The following RASA3 variants were observed in gnomAD, a reference collection of about 807,000 sequenced individuals.
The protein encoded by RASA3 is ras GTPase-activating protein 3.
RASA3 carries 73 observed loss-of-function variants against 110.0 expected under a neutral mutation model. The observed-to-expected ratio is 0.66, with a 90% CI of 0.55 to 0.81. RASA3 has a LOEUF of 0.81. Ranked by LOEUF, RASA3 falls within the 30% of genes least tolerant of loss-of-function variation. RASA3 has a pLI of 0.00. For missense variants in RASA3, 976 were observed against 1,113.2 expected (o/e 0.88, Z 1.75); for synonymous variants, 500 against 451.4 (o/e 1.11, Z -1.37).
At chr13:114,080,554 TC>T (rs1048954993) in intron 1 of RASA3, among the ~76,000 whole-genome samples, 2 of 151,146 alleles carry the variant, frequency 1.3e-5, no homozygotes, top group African/African-American at 4.9e-5. Flanking sequence ...ACGGGCATAT[TC>T]AATGTAATTG....
At chr13:113,996,493 G>A (rs372098639) in intron 21 of RASA3, 38 bp downstream of exon 21, 44 of 1,584,258 alleles carry the variant, frequency 2.8e-5, no homozygotes, top group East Asian at 2.2e-5. Flanking sequence ...CACATTTCCT[G>A]CACAGTGCAC....
At chr13:114,121,627 G>A (rs762345115) in intron 1 of RASA3, among the ~76,000 whole-genome samples, 1 of 152,196 alleles carries the variant, frequency 6.6e-6, no homozygotes, top group Admixed American at 6.5e-5. Context: ...CTGAACCTCT[G>A]TCTCTCAGGC....
At chr13:114,001,712 C>T (rs1016101699) in intron 18 of RASA3, among the ~76,000 whole-genome samples, 13 of 152,156 alleles carry the variant, frequency 8.5e-5, no homozygotes, top group African/African-American at 2.4e-4. Flanking sequence ...GGAGGACCTG[C>T]GGCCGCGGGC....
At chr13:114,045,801 T>G (rs2079043662) in intron 3 of RASA3, among the ~76,000 whole-genome samples, 1 of 152,220 alleles carries the variant, frequency 6.6e-6, no homozygotes. Context: ...GTTTGTGCTT[T>G]TGGTGGACTA....
chr13:114,041,217 C>T (rs2054398729), intron 3 of RASA3, 123 bp from the exon 4 acceptor site: 3 of 862,166 alleles, frequency 3.5e-6, no homozygotes, highest in South Asian at 3.2e-5. Context: ...GAATGGGGCA[C>T]CGGCCGGGTG....
intron 3 of RASA3, among the ~76,000 whole-genome samples, chr13:114,049,003 A>ATGCCC (rs1358977534): frequency 6.6e-6 from 1 of 151,252 alleles, no homozygotes; most frequent in Non-Finnish European, 1.5e-5. Context: ...CAGGCTGAAG[A>ATGCCC]TGCCCTCCCG....
intron 3 of RASA3, among the ~76,000 whole-genome samples, chr13:114,041,623 AAG>A (rs764323653): frequency 1.3e-5 from 2 of 152,216 alleles, no homozygotes; most frequent in South Asian, 2.1e-4. Context: ...ATCACGCCAC[AAG>A]AGACACGTGT....
chr13:114,099,306 C>T (rs921866455), intron 1 of RASA3, among the ~76,000 whole-genome samples: 33 of 152,170 alleles, frequency 2.2e-4, no homozygotes, highest in East Asian at 9.7e-4. Flanking sequence ...GAGCCGGGGA[C>T]GAAGCTCCTC....
intron 4 of RASA3, among the ~76,000 whole-genome samples, chr13:114,030,107 G>A (rs2054118997): frequency 6.6e-6 from 1 of 152,250 alleles, no homozygotes; most frequent in South Asian, 2.1e-4. Context: ...TCAGCCCCAT[G>A]TGGCTGCCCA....
rs755498753 is a variant in RASA3, at chr13:114,009,397, G to A, written c.1658C>T (p.Ala553Val). Residue 553 changes from alanine to valine, a missense_variant, in exon 17 of 24, where the codon GCG becomes GTG. Transcript: ENST00000334062. The stretch of plus-strand genomic sequence containing the variant: ...TGAGTCGATACTTACGTTCTTCACC[G>A]CATCAGCATATTTCTGCTCATTGAA... ...EFFNEQKYAD[A>V]VKNFLDLISS... is the part of the protein sequence containing the mutation. 22 of 1,611,214 alleles carry A rather than the reference G, an allele frequency of 1.4e-5. No individual in the cohort carries two copies. The highest frequency in any genetic ancestry group is 3.3e-5 in the South Asian group (3 of 91,052).
intron 18 of RASA3, among the ~76,000 whole-genome samples, chr13:114,003,933 C>G (rs1210235877): frequency 1.3e-5 from 2 of 152,148 alleles, no homozygotes; most frequent in African/African-American, 4.8e-5. Flanking sequence ...CTCCTTCTGC[C>G]AGGGACACCC....
Position 114,009,021 on chromosome 13 carries a change from G to A in RASA3, c.1668+366C>T, listed in dbSNP as rs9562090. Among the ~76,000 whole-genome samples, 325 of 99,896 alleles carry A rather than the reference G, an allele frequency of 3.3e-3. 17 individuals are homozygous for A. Among genetic ancestry groups the A allele is most frequent in the Middle Eastern group, 0.011 (2 of 184 alleles). The allele number at this position is 99,896 out of a possible 152,430, so 65.5% of individuals were successfully genotyped here. Reference sequence around the variant, plus strand: ...GCGGTCTGGATGTTCCCCACGCACCGCGTTCCTGACACTGAGTCTGCAGCC... The same window carrying A: ...GCGGTCTGGATGTTCCCCACGCACCACGTTCCTGACACTGAGTCTGCAGCC... On this transcript the variant is annotated intron_variant, in intron 17 of 23. Coordinates refer to ENST00000334062, the MANE Select transcript of RASA3 (RefSeq NM_007368.4).
Position 114,132,455 on chromosome 13 carries a change from TGGAAGACCC to T in RASA3, c.26_34del (p.Arg9_Phe11del). ...CTCACCGATCTTGATCTTCACGCTCTGGAAGACCCGGAGCCCCTCGTCCTCCACCGCCAT... is the reference window on the plus strand; with the variant it reads ...CTCACCGATCTTGATCTTCACGCTCTGGAGCCCCTCGTCCTCCACCGCCAT... On this transcript the variant is annotated inframe_deletion, in exon 1 of 24. Coordinates refer to ENST00000334062, the MANE Select transcript of RASA3 (RefSeq NM_007368.4). The T allele has an allele frequency of 6.6e-7, 1 of 1,525,326 alleles. No individual in the cohort carries two copies. Among genetic ancestry groups the T allele is most frequent in the South Asian group, 1.2e-5 (1 of 82,250 alleles). The allele number at this position is 1,525,326 out of a possible 1,614,324, so 94.5% of individuals were successfully genotyped here.
chr13:114,070,950 G>A (rs1363694398), intron 2 of RASA3, among the ~76,000 whole-genome samples: 2 of 108,148 alleles, frequency 1.8e-5, no homozygotes, highest in African/African-American at 4.0e-5. Context: ...GCTAAACGGC[G>A]CCACAGTGTT....
chr13:114,009,142 A>G (rs2053577230), intron 17 of RASA3, among the ~76,000 whole-genome samples: 1 of 152,208 alleles, frequency 6.6e-6, no homozygotes, highest in African/African-American at 2.4e-5. Context: ...ACAGAACAAG[A>G]TGGGCGAGGG....
intron 4 of RASA3, among the ~76,000 whole-genome samples, chr13:114,039,482 C>T (rs1352830235): frequency 2.0e-5 from 3 of 152,186 alleles, no homozygotes; most frequent in Non-Finnish European, 4.4e-5. Context: ...GTCCGGTGTC[C>T]CAGGGACCCT....
At chr13:114,038,284 C>T (rs2054320142) in intron 4 of RASA3, among the ~76,000 whole-genome samples, 1 of 152,254 alleles carries the variant, frequency 6.6e-6, no homozygotes, top group Non-Finnish European at 1.5e-5. Context: ...CAAGCCCCGT[C>T]TCCCGGGCAG....
intron 2 of RASA3, among the ~76,000 whole-genome samples, chr13:114,061,324 C>G (rs192524419): frequency 6.6e-6 from 1 of 152,022 alleles, no homozygotes; most frequent in African/African-American, 2.4e-5. Context: ...CTCTTAGAAC[C>G]GCAAACTACG....
intron 9 of RASA3, among the ~76,000 whole-genome samples, chr13:114,019,356 A>G (rs2053865450): frequency 6.6e-6 from 1 of 152,248 alleles, no homozygotes; most frequent in African/African-American, 2.4e-5. Context: ...CCACCTGGGC[A>G]CCTGGTCATT....
Sources: allele counts gnomAD v4.1 joint callset (sites outside exome capture counted in the v4.1 genomes callset), GRCh38; gene constraint gnomAD v4.1.1; transcripts MANE v1.5; gene names NCBI Gene and HGNC (gene_info 2026-07-23, HGNC 2026-07-21).